XKR9: variants seen among roughly 807,000 people sequenced by gnomAD.
XKR9 encodes the protein XK related 9.
A neutral mutation model predicts 32.0 loss-of-function variants in XKR9; 32 were observed. That is an observed-to-expected ratio of 1.00 (90% CI 0.76 to 1.34). The LOEUF (loss-of-function observed/expected upper bound fraction) is 1.34, where lower values mean the gene tolerates loss of function less well. Among genes scored for constraint, XKR9 ranks in the 40% most tolerant of loss-of-function variants. The pLI is 0.00. For synonymous variants in XKR9, 168 were observed against 143.4 expected (o/e 1.17, Z -1.22); for missense variants, 546 against 429.7 (o/e 1.27, Z -2.39).
chr8:70,791,313 A>T (rs1807761510), downstream of XKR9, among the ~76,000 whole-genome samples: 1 of 141,694 alleles, frequency 7.1e-6, no homozygotes, highest in African/African-American at 2.6e-5. Flanking sequence ...CATCTCACTT[A>T]AAAAAAAAAA....
chr8:70,869,457 A>G, the XKR9 span, among the ~76,000 whole-genome samples: 2 of 152,306 alleles, frequency 1.3e-5, no homozygotes, highest in Admixed American at 6.5e-5. Flanking sequence ...TTTTAAAGCC[A>G]TCAGATCTCA....
chr8:70,910,784 G>A, the XKR9 span, among the ~76,000 whole-genome samples: 1 of 152,216 alleles, frequency 6.6e-6, no homozygotes, highest in African/African-American at 2.4e-5. Flanking sequence ...TTATCTGGAG[G>A]TTCTGAGGAA....
At chr8:70,840,282 C>T in the XKR9 span, among the ~76,000 whole-genome samples, 2 of 152,080 alleles carry the variant, frequency 1.3e-5, no homozygotes, top group Admixed American at 6.6e-5. Context: ...GATATGGAAA[C>T]TCAGGTAATT....
At chr8:70,971,864 C>A in the XKR9 span, among the ~76,000 whole-genome samples, 2 of 151,998 alleles carry the variant, frequency 1.3e-5, no homozygotes, top group African/African-American at 4.8e-5. Context: ...TGACTATGGC[C>A]TTATAGTATA....
chr8:70,726,960 G>C (rs978315894), intron 4 of XKR9, among the ~76,000 whole-genome samples: 1 of 151,702 alleles, frequency 6.6e-6, no homozygotes, highest in African/African-American at 2.4e-5. Context: ...GTCCTGATTT[G>C]GATTTTTCTG....
At chr8:70,752,842 T>G (rs1220032878) in intron 2 of XKR9, among the ~76,000 whole-genome samples, 3 of 151,662 alleles carry the variant, frequency 2.0e-5, no homozygotes, top group Non-Finnish European at 4.4e-5. Flanking sequence ...CACCCTAACA[T>G]CACAATTAAA....
At chr8:70,860,943 C>T in the XKR9 span, among the ~76,000 whole-genome samples, 1 of 152,078 alleles carries the variant, frequency 6.6e-6, no homozygotes, top group South Asian at 2.1e-4. Flanking sequence ...AAACACAGCA[C>T]TAAAAGATGT....
chr8:70,863,201 A>AAAG, the XKR9 span, among the ~76,000 whole-genome samples: 5 of 152,272 alleles, frequency 3.3e-5, no homozygotes, highest in African/African-American at 9.6e-5. Context: ...TGGTGTGTGA[A>AAAG]AAGAAGAAGA....
At chr8:70,674,497 TTTG>T (rs1205519142) in intron 1 of XKR9, among the ~76,000 whole-genome samples, 1 of 152,254 alleles carries the variant, frequency 6.6e-6, no homozygotes, top group African/African-American at 2.4e-5. Context: ...TTTATGATAC[TTTG>T]TTAGAGTACT....
At chr8:70,970,476 AC>A in the XKR9 span, among the ~76,000 whole-genome samples, 1 of 151,026 alleles carries the variant, frequency 6.6e-6, no homozygotes, top group Non-Finnish European at 1.5e-5. Flanking sequence ...CTAGCTGCCC[AC>A]CCCCCAACAG....
chr8:70,856,943 A>T, the XKR9 span, among the ~76,000 whole-genome samples: 2 of 152,192 alleles, frequency 1.3e-5, no homozygotes, highest in African/African-American at 4.8e-5. Flanking sequence ...AAGACACAAC[A>T]TACCAGAATA....
At chr8:70,994,702 A>T in the XKR9 span, among the ~76,000 whole-genome samples, 1 of 144,688 alleles carries the variant, frequency 6.9e-6, no homozygotes, top group Admixed American at 6.8e-5. Flanking sequence ...CCCATTACAC[A>T]TTACACACTT....
the XKR9 span, among the ~76,000 whole-genome samples, chr8:70,967,353 G>A: frequency 2.9e-3 from 441 of 152,244 alleles, 2 homozygotes; most frequent in African/African-American, 1.0e-2. Flanking sequence ...ATAGGCATGA[G>A]CCACCATGCC....
the XKR9 span, among the ~76,000 whole-genome samples, chr8:70,947,504 C>T: frequency 0.39 from 59,347 of 152,030 alleles, 13,231 homozygotes; most frequent in Non-Finnish European, 0.51. Context: ...CCTGAATGTG[C>T]TAAGTAATTG....
chr8:70,672,450 GTATA>G (rs1319386611), intron 1 of XKR9, among the ~76,000 whole-genome samples: 2 of 152,190 alleles, frequency 1.3e-5, no homozygotes, highest in Non-Finnish European at 2.9e-5. Flanking sequence ...TTTATTGTGT[GTATA>G]TATCACATTT....
At chr8:70,801,215 G>A in the XKR9 span, among the ~76,000 whole-genome samples, 1 of 151,964 alleles carries the variant, frequency 6.6e-6, no homozygotes, top group African/African-American at 2.4e-5. Flanking sequence ...TTTGGAGTTG[G>A]TTTCCTCTTG....
At chr8:70,727,456 A>G (rs1272328672) in intron 4 of XKR9, among the ~76,000 whole-genome samples, 2 of 151,942 alleles carry the variant, frequency 1.3e-5, no homozygotes, top group East Asian at 1.9e-4. Flanking sequence ...GCTGGAGTGC[A>G]GTGGCGCGAT....
the XKR9 span, among the ~76,000 whole-genome samples, chr8:70,998,126 T>A: frequency 5.3e-5 from 8 of 152,328 alleles, no homozygotes; most frequent in African/African-American, 1.9e-4. Flanking sequence ...ACAGCTATGC[T>A]CTAGACTTCA....
chr8:70,914,377 AG>A, the XKR9 span, among the ~76,000 whole-genome samples: 3 of 152,206 alleles, frequency 2.0e-5, no homozygotes, highest in Non-Finnish European at 2.9e-5. Flanking sequence ...TGTGAATTTC[AG>A]TTGTTTTGTG....
Sources: allele counts gnomAD v4.1 joint callset (sites outside exome capture counted in the v4.1 genomes callset), GRCh38; gene constraint gnomAD v4.1.1; transcripts MANE v1.5; gene names NCBI Gene and HGNC (gene_info 2026-07-23, HGNC 2026-07-21).